DPP10: variants seen among roughly 807,000 people sequenced by gnomAD.
DPP10 encodes the protein inactive dipeptidyl peptidase 10.
A neutral mutation model predicts 120.9 loss-of-function variants in DPP10; 33 were observed. The ratio of observed to expected loss-of-function variants is 0.27; its 90% CI spans 0.21 to 0.37. DPP10 has a LOEUF of 0.37. Ranked by LOEUF, DPP10 falls within the 10% of genes least tolerant of loss-of-function variation. The pLI is 1.00. For synonymous variants in DPP10, 337 were observed against 326.1 expected (o/e 1.03, Z -0.36); for missense variants, 816 against 942.8 (o/e 0.87, Z 1.76).
chr2:115,513,747 T>C (rs1054641920), intron 4 of DPP10, among the ~76,000 whole-genome samples: 15 of 152,036 alleles, frequency 9.9e-5, no homozygotes, highest in Non-Finnish European at 1.8e-4. Flanking sequence ...TTTATAATAA[T>C]TGTTTTTATG....
chr2:115,587,141 A>G (rs2082344715), intron 5 of DPP10, among the ~76,000 whole-genome samples: 1 of 126,114 alleles, frequency 7.9e-6, no homozygotes, highest in Non-Finnish European at 1.5e-5. Flanking sequence ...TAAGTCGCTC[A>G]GGCTGGAGTC....
At chr2:115,678,826 T>A (rs1256616481) in intron 5 of DPP10, among the ~76,000 whole-genome samples, 1 of 152,208 alleles carries the variant, frequency 6.6e-6, no homozygotes, top group Non-Finnish European at 1.5e-5. Context: ...CCCAAGGTTG[T>A]GGGAGCCCAC....
chr2:115,038,795 A>G (rs12328529), intron 1 of DPP10, among the ~76,000 whole-genome samples: 8,527 of 152,226 alleles, frequency 0.056, 321 homozygotes, highest in East Asian at 0.17. Flanking sequence ...GAGAGGTAGA[A>G]TAACTTGCTC....
intron 12 of DPP10, among the ~76,000 whole-genome samples, chr2:115,763,808 A>C (rs181640399): frequency 3.1e-4 from 47 of 152,314 alleles, no homozygotes; most frequent in Admixed American, 2.9e-3. Context: ...TCCTTCAGAT[A>C]AAGACCAACA....
chr2:114,937,602 G>A (rs1696578663), intron 1 of DPP10, among the ~76,000 whole-genome samples: 1 of 152,126 alleles, frequency 6.6e-6, no homozygotes, highest in South Asian at 2.1e-4. Flanking sequence ...GGCACTGGTT[G>A]ACTATTGGTC....
chr2:115,451,226 A>T (rs1255552020), intron 3 of DPP10, among the ~76,000 whole-genome samples: 1 of 151,986 alleles, frequency 6.6e-6, no homozygotes, highest in Non-Finnish European at 1.5e-5. Flanking sequence ...AGTTGACAGT[A>T]TAATAAAAGT....
intron 1 of DPP10, among the ~76,000 whole-genome samples, chr2:114,781,644 C>T (rs563248226): frequency 6.6e-6 from 1 of 152,190 alleles, no homozygotes; most frequent in East Asian, 1.9e-4. Flanking sequence ...TTCACCCTAA[C>T]AGCCTACATA....
At chr2:115,213,759 A>G (rs1316650016) in intron 1 of DPP10, among the ~76,000 whole-genome samples, 1 of 152,180 alleles carries the variant, frequency 6.6e-6, no homozygotes, top group Non-Finnish European at 1.5e-5. Flanking sequence ...AGTGTACAGT[A>G]TGTCAAGATG....
chr2:114,477,986 CATATATGTGT>C (rs1395716843), intron 1 of DPP10, among the ~76,000 whole-genome samples: 1 of 147,502 alleles, frequency 6.8e-6, no homozygotes, highest in Non-Finnish European at 1.5e-5. Flanking sequence ...TATATATGTA[CATATATGTGT>C]ATATATGTAT....
chr2:114,863,915 G>A (rs1049060389), intron 1 of DPP10, among the ~76,000 whole-genome samples: 8 of 152,240 alleles, frequency 5.3e-5, no homozygotes, highest in East Asian at 1.9e-4. Flanking sequence ...CCTCCAAGTC[G>A]AGCCTGTGTC....
intron 1 of DPP10, among the ~76,000 whole-genome samples, chr2:114,934,115 G>A (rs932592744): frequency 2.0e-5 from 3 of 152,112 alleles, no homozygotes; most frequent in Non-Finnish European, 4.4e-5. Flanking sequence ...GGTCTTCCTT[G>A]AGTCCACTAC....
At chr2:115,215,701 G>A (rs1432485272) in intron 1 of DPP10, among the ~76,000 whole-genome samples, 1 of 152,150 alleles carries the variant, frequency 6.6e-6, no homozygotes, top group Admixed American at 6.6e-5. Flanking sequence ...ACAGTATGCA[G>A]ATTTTTTCAA....
chr2:114,956,551 T>C lies in DPP10; in HGVS notation c.61-352688T>C, dbSNP rs1698220114. On this transcript the variant is annotated intron_variant, in intron 1 of 25. Transcript: ENST00000410059. ...AGTGATCTACACATTCAATGCAGTCTGTATGAAAATCAAAATGTCATTTTT... is the reference window on the plus strand; with the variant it reads ...AGTGATCTACACATTCAATGCAGTCCGTATGAAAATCAAAATGTCATTTTT... Among the ~76,000 whole-genome samples, 3 of 152,148 alleles carry C rather than the reference T, an allele frequency of 2.0e-5. No individual in the cohort carries two copies. The South Asian group carries it at 6.2e-4, about 32-fold the overall frequency.
intron 1 of DPP10, among the ~76,000 whole-genome samples, chr2:114,973,826 G>A (rs1409828032): frequency 6.6e-6 from 1 of 152,072 alleles, no homozygotes; most frequent in Non-Finnish European, 1.5e-5. Context: ...AGACCGTGAT[G>A]TTGATGATCC....
At chr2:115,181,850 T>C (rs1000045776) in intron 1 of DPP10, among the ~76,000 whole-genome samples, 2 of 152,216 alleles carry the variant, frequency 1.3e-5, no homozygotes, top group African/African-American at 4.8e-5. Context: ...TAGAAGCATG[T>C]GGATGATTTA....
At chr2:114,973,925 C>T (rs1208609501) in intron 1 of DPP10, among the ~76,000 whole-genome samples, 52 of 151,784 alleles carry the variant, frequency 3.4e-4, no homozygotes, top group Non-Finnish European at 8.8e-5. Flanking sequence ...AATAAATAAA[C>T]TTAAACATAG....
intron 1 of DPP10, among the ~76,000 whole-genome samples, chr2:114,684,210 AT>A (rs1369177696): frequency 6.6e-6 from 1 of 151,918 alleles, no homozygotes; most frequent in Non-Finnish European, 1.5e-5. Context: ...GGGAACTGAA[AT>A]ACAAGTAGAC....
intron 2 of DPP10, among the ~76,000 whole-genome samples, chr2:115,318,959 A>C (rs145032907): frequency 5.6e-4 from 85 of 152,246 alleles, no homozygotes; most frequent in East Asian, 4.4e-3. Context: ...GCTGGATAAC[A>C]ATGGTAAAAG....
At chr2:115,047,208 A>C (rs767691144) in intron 1 of DPP10, among the ~76,000 whole-genome samples, 1 of 152,096 alleles carries the variant, frequency 6.6e-6, no homozygotes, top group Non-Finnish European at 1.5e-5. Context: ...ATAAATAGAC[A>C]ACTCATGCTG....
Sources: allele counts gnomAD v4.1 joint callset (sites outside exome capture counted in the v4.1 genomes callset), GRCh38; gene constraint gnomAD v4.1.1; transcripts MANE v1.5; gene names NCBI Gene and HGNC (gene_info 2026-07-23, HGNC 2026-07-21).